The following CNTN4 variants were observed in gnomAD, a reference collection of about 807,000 sequenced individuals.
CNTN4 encodes contactin 4.
Under a neutral mutation model 122.5 loss-of-function variants are expected in CNTN4, and 77 were observed. The ratio of observed to expected loss-of-function variants is 0.63; its 90% confidence interval spans 0.52 to 0.76. The LOEUF is 0.76. Among genes scored for constraint, CNTN4 ranks in the 30% least tolerant of loss-of-function variants. The probability of loss-of-function intolerance (pLI) is 0.00; values close to 1 mark genes in which losing one functional copy is unlikely to be tolerated. For synonymous variants in CNTN4, 512 were observed against 447.0 expected (o/e 1.15, Z -1.83); for missense variants, 1,256 against 1,259.1 (o/e 1.00, Z 0.04).
chr3:2,263,268 A>G (rs1219781226), intron 2 of CNTN4, among the ~76,000 whole-genome samples: 1 of 152,156 alleles, frequency 6.6e-6, no homozygotes, highest in Admixed American at 6.6e-5. Context: ...AATAAAAAAT[A>G]TTATGTTGTC....
chr3:2,291,337 C>T (rs1340698791), intron 2 of CNTN4, among the ~76,000 whole-genome samples: 1 of 152,058 alleles, frequency 6.6e-6, no homozygotes, highest in Non-Finnish European at 1.5e-5. Flanking sequence ...GGAGAATTCT[C>T]ACTATTCAAG....
At chr3:2,873,878 G>T (rs1162763693) in intron 8 of CNTN4, among the ~76,000 whole-genome samples, 1 of 152,152 alleles carries the variant, frequency 6.6e-6, no homozygotes, top group Non-Finnish European at 1.5e-5. Flanking sequence ...TTAAGATCTA[G>T]AGTTTATACC....
intron 3 of CNTN4, among the ~76,000 whole-genome samples, chr3:2,565,162 T>C (rs2079103594): frequency 6.6e-6 from 1 of 152,160 alleles, no homozygotes; most frequent in Admixed American, 6.5e-5. Flanking sequence ...TTCCATCCTA[T>C]ACATGTCTGC....
chr3:2,743,489 T>C (rs931910178), intron 5 of CNTN4, among the ~76,000 whole-genome samples: 1 of 152,204 alleles, frequency 6.6e-6, no homozygotes, highest in Non-Finnish European at 1.5e-5. Flanking sequence ...ATGCTCCTGG[T>C]CTACCTTTCT....
At chr3:2,197,448 A>T (rs781156440) in intron 2 of CNTN4, among the ~76,000 whole-genome samples, 4 of 152,228 alleles carry the variant, frequency 2.6e-5, no homozygotes, top group Non-Finnish European at 4.4e-5. Flanking sequence ...ATGTGCCAGG[A>T]TCATAGTTCA....
chr3:2,484,533 C>T (rs1455797878), intron 3 of CNTN4, among the ~76,000 whole-genome samples: 1 of 152,288 alleles, frequency 6.6e-6, no homozygotes, highest in East Asian at 1.9e-4. Context: ...AAAGGAAATA[C>T]TGGCTCCTAT....
At chr3:2,834,218 G>A (rs1316324470) in intron 7 of CNTN4, among the ~76,000 whole-genome samples, 1 of 152,086 alleles carries the variant, frequency 6.6e-6, no homozygotes, top group Non-Finnish European at 1.5e-5. Context: ...AAGCATAGAT[G>A]TAAGAAATAA....
At chr3:2,843,322 T>C (rs1387841207) in intron 7 of CNTN4, among the ~76,000 whole-genome samples, 1 of 152,172 alleles carries the variant, frequency 6.6e-6, no homozygotes. Context: ...AAACATACCC[T>C]GTATCAAACC....
rs903155029 is a variant in CNTN4 at position 2,202,625 on chromosome 3, A to G, written c.-145+101986A>G. 5.9e-5 allele frequency among the ~76,000 whole-genome samples: 9 copies of G among 152,102 alleles called. 1 individual carries two copies. The East Asian group carries it at 1.2e-3, about 20-fold the overall frequency. On this transcript the variant is annotated intron_variant, in intron 2 of 24. Transcript: ENST00000418658. ...TCATTCCCTTCACTTTGCAGCACTG[A>G]TAATTCATTCCCTTCCATTTGCAGA...
At chr3:2,834,687 G>A (rs1050915582) in intron 7 of CNTN4, among the ~76,000 whole-genome samples, 6 of 152,000 alleles carry the variant, frequency 3.9e-5, no homozygotes, top group Non-Finnish European at 7.3e-5. Context: ...ATGAGTGTGT[G>A]TAGCTTATGA....
chr3:2,152,069 A>G (rs2035515856), intron 2 of CNTN4, among the ~76,000 whole-genome samples: 1 of 152,232 alleles, frequency 6.6e-6, no homozygotes, highest in Non-Finnish European at 1.5e-5. Flanking sequence ...TAGGTGGGCT[A>G]CAGTGTAAAA....
chr3:2,612,256 G>A (rs770552752), intron 4 of CNTN4, among the ~76,000 whole-genome samples: 4 of 152,004 alleles, frequency 2.6e-5, no homozygotes, highest in East Asian at 1.9e-4. Flanking sequence ...ACCAAATGTC[G>A]CAGCTTAGCC....
At chr3:2,941,898 C>A (rs2094619710) in intron 13 of CNTN4, among the ~76,000 whole-genome samples, 1 of 152,212 alleles carries the variant, frequency 6.6e-6, no homozygotes, top group African/African-American at 2.4e-5. Flanking sequence ...CCTCTCCCTA[C>A]CTGTACGTGC....
At chr3:2,781,874 G>GC (rs539304266) in intron 6 of CNTN4, among the ~76,000 whole-genome samples, 9,156 of 49,314 alleles carry the variant, frequency 0.19, 1,768 homozygotes, top group African/African-American at 0.47. Context: ...GCAGGCGCCC[G>GC]CACCACGCCC....
At chr3:2,478,407 T>TG (rs923572268) in intron 3 of CNTN4, among the ~76,000 whole-genome samples, 3 of 15,570 alleles carry the variant, frequency 1.9e-4, no homozygotes, top group East Asian at 4.8e-3. Context: ...TTTATCTGTT[T>TG]GTTTTTTTTT....
At position 2,152,194 on chromosome 3, in the gene CNTN4, A is replaced by G. The variant is rs2035522786; in HGVS notation, c.-145+51555A>G. Among the ~76,000 whole-genome samples, 3 of 152,170 alleles carry G rather than the reference A, an allele frequency of 2.0e-5. No individual in the cohort carries two copies. In the South Asian group the frequency reaches 6.2e-4, roughly 32 times the overall value. On this transcript the variant is annotated intron_variant, in intron 2 of 24. Transcript: ENST00000418658. ...GAGAAGGAATTACCAGGCACAGGTA[A>G]TAGCTAGTACAAAAGCCGTAAGGTA...
intron 3 of CNTN4, among the ~76,000 whole-genome samples, chr3:2,357,854 A>G (rs988211971): frequency 1.3e-5 from 2 of 152,230 alleles, no homozygotes; most frequent in African/African-American, 4.8e-5. Context: ...TCAGGCTTTA[A>G]TGCCTGTAAA....
At chr3:2,231,149 C>G (rs949344392) in intron 2 of CNTN4, among the ~76,000 whole-genome samples, 2 of 152,056 alleles carry the variant, frequency 1.3e-5, no homozygotes, top group Non-Finnish European at 2.9e-5. Flanking sequence ...TTCAACTGTA[C>G]CAATATTAAA....
rs995490861 is a variant in CNTN4 at position 2,154,547 on chromosome 3, T to A, written c.-145+53908T>A. On this transcript the variant is annotated intron_variant, in intron 2 of 24. Transcript: ENST00000418658. The stretch of plus-strand genomic sequence containing the variant: ...GAGTCTGTGTGCAAAATAACTTTTT[T>A]AAAAAGTGGAATAAGTTCTATGATC... Among the ~76,000 whole-genome samples the A allele has an allele frequency of 2.0e-5, 3 of 152,302 alleles. No individual in the cohort carries two copies. The South Asian group carries it at 6.2e-4, about 32-fold the overall frequency.
Sources: gnomAD v4.1 joint callset for allele counts (sites outside exome capture counted in the v4.1 genomes callset) on GRCh38, gnomAD v4.1.1 for gene constraint, MANE v1.5 for transcripts, NCBI Gene and HGNC (gene_info 2026-07-23, HGNC 2026-07-21) for gene names.